LCLAT1: variants seen among roughly 807,000 people sequenced by gnomAD.
LCLAT1 encodes the protein lysocardiolipin acyltransferase 1.
LCLAT1 carries 11 observed loss-of-function variants against 30.7 expected under a neutral mutation model. That is an observed-to-expected ratio of 0.36 (90% confidence interval 0.23 to 0.59). LCLAT1 has a LOEUF of 0.59. Among genes scored for constraint, LCLAT1 ranks in the 20% least tolerant of loss-of-function variants. LCLAT1 has a pLI of 0.77. For synonymous variants in LCLAT1, 155 were observed against 151.3 expected (o/e 1.02, Z -0.18); for missense variants, 402 against 458.6 (o/e 0.88, Z 1.13).
chr2:30,495,394 C>G (rs829649), intron 1 of LCLAT1, among the ~76,000 whole-genome samples: 2 of 151,966 alleles, frequency 1.3e-5, no homozygotes, highest in East Asian at 3.9e-4. Context: ...ATTTCTAATA[C>G]TCTCCTTAGT....
chr2:30,618,970 ATG>A (rs141889482), intron 5 of LCLAT1, among the ~76,000 whole-genome samples: 7,035 of 152,188 alleles, frequency 0.046, 540 homozygotes, highest in African/African-American at 0.16. Context: ...AAGTGCTATC[ATG>A]TAGATGGTAA....
At position 30,599,886 on chromosome 2, in the gene LCLAT1, G is replaced by A. The variant is rs547210707; in HGVS notation, c.628+31710G>A. Reference sequence around the variant, plus strand: ...GTCTTTTTATCTAGCTTGCCATTTTGTGTCTTTTAATTGGGGCATTTAACC... The same window carrying A: ...GTCTTTTTATCTAGCTTGCCATTTTATGTCTTTTAATTGGGGCATTTAACC... On this transcript the variant is annotated intron_variant, in intron 5 of 5. Coordinates refer to ENST00000379509, the MANE Select transcript of LCLAT1 (RefSeq NM_001002257.3). 2.7e-4 allele frequency among the ~76,000 whole-genome samples: 41 copies of A among 152,066 alleles called. 1 individual carries two copies. The highest frequency in any genetic ancestry group is 9.4e-4 in the African/African-American group (39 of 41,482).
intron 3 of LCLAT1, among the ~76,000 whole-genome samples, chr2:30,534,716 G>A (rs1686157647): frequency 6.6e-6 from 1 of 152,168 alleles, no homozygotes; most frequent in Admixed American, 6.5e-5. Context: ...GCAAGAAGCT[G>A]CAAGGTATTT....
chr2:30,590,255 A>G (rs1212500582), intron 5 of LCLAT1, among the ~76,000 whole-genome samples: 2 of 151,986 alleles, frequency 1.3e-5, no homozygotes, highest in Non-Finnish European at 2.9e-5. Context: ...TCACTTAAAA[A>G]TAATTTTTGC....
chr2:30,603,763 C>A (rs1313024056), intron 5 of LCLAT1, among the ~76,000 whole-genome samples: 1 of 152,056 alleles, frequency 6.6e-6, no homozygotes, highest in Non-Finnish European at 1.5e-5. Flanking sequence ...TAGTCCTGAT[C>A]AGAGTAGGGA....
At chr2:30,608,166 C>CAAAT (rs1340551667) in intron 5 of LCLAT1, among the ~76,000 whole-genome samples, 93 of 151,746 alleles carry the variant, frequency 6.1e-4, no homozygotes, top group African/African-American at 2.1e-3. Flanking sequence ...TCTAAAAATA[C>CAAAT]AAATATTAGC....
At position 30,533,279 on chromosome 2, in the gene LCLAT1, G is replaced by T; in HGVS notation, c.329G>T (p.Cys110Phe). The T allele has an allele frequency of 6.2e-7, 1 of 1,614,080 alleles. No individual in the cohort carries two copies. Among genetic ancestry groups the T allele is most frequent in the Non-Finnish European group, 8.5e-7 (1 of 1,179,952 alleles). The change falls in exon 3 of 6, where the codon TGC (cysteine) becomes TTC (phenylalanine). Residue 110 changes from cysteine (C) to phenylalanine (F), a missense_variant. Physicochemically the swap from Cys to Phe is radical, Grantham distance 205. Coordinates refer to ENST00000379509, the MANE Select transcript of LCLAT1 (RefSeq NM_001002257.3). ...AGCTACCTCAGATTGGAGAAAATTT[G>T]CCTCAAAGCGAGTCTCAAAGGTGTT... ...RYSYLRLEKI[C>F]LKASLKGVPG... is the part of the protein sequence containing the mutation.
In LCLAT1 at chr2:30,622,156, T is replaced by A. The variant is rs1001483328; in HGVS notation, c.629-17961T>A. ...GGCCTGTCACTGTTCCCTGGCGACCTGTGTGACACAGCAGAGGCAGCCATA... is the reference window on the plus strand; with the variant it reads ...GGCCTGTCACTGTTCCCTGGCGACCAGTGTGACACAGCAGAGGCAGCCATA... On this transcript the variant is annotated intron_variant, in intron 5 of 5. Transcript: ENST00000379509. 8.5e-5 allele frequency among the ~76,000 whole-genome samples: 13 copies of A among 152,156 alleles called. No homozygotes were observed. In the East Asian group the frequency reaches 1.6e-3, roughly 18 times the overall value.
intron 1 of LCLAT1, among the ~76,000 whole-genome samples, chr2:30,481,809 C>T (rs1482493499): frequency 1.3e-5 from 2 of 152,196 alleles, no homozygotes; most frequent in African/African-American, 4.8e-5. Flanking sequence ...TAGATGTATA[C>T]TTTGCTACCC....
intron 1 of LCLAT1, chr2:30,459,638 T>C (rs767579389): frequency 6.2e-7 from 1 of 1,613,936 alleles, no homozygotes; most frequent in Admixed American, 1.7e-5. Context: ...AGGGAAATTG[T>C]GGTGCTTCTG....
chr2:30,472,917 A>T (rs1682868257), intron 1 of LCLAT1, among the ~76,000 whole-genome samples: 1 of 152,170 alleles, frequency 6.6e-6, no homozygotes, highest in African/African-American at 2.4e-5. Flanking sequence ...AGTGATGAGG[A>T]AGAAAAAAGA....
intron 5 of LCLAT1, among the ~76,000 whole-genome samples, chr2:30,610,824 G>GATATATATTCTGAATT (rs1362034626): frequency 6.6e-6 from 1 of 151,940 alleles, no homozygotes; most frequent in East Asian, 1.9e-4. Flanking sequence ...GTAAATCATA[G>GATATATATTCTGAATT]ATATATATTC....
At position 30,510,062 on chromosome 2, in the gene LCLAT1, A is replaced by G. The variant is rs75009795; in HGVS notation, c.-4-15525A>G. 2.1e-3 allele frequency among the ~76,000 whole-genome samples: 319 copies of G among 152,270 alleles called. 1 individual carries two copies. Among genetic ancestry groups the G allele is most frequent in the East Asian group, 0.014 (73 of 5,178 alleles). ...AGTAGCAAGGATTTTGGTGATAACA[A>G]CTTTCAGAGAGTCTTCCTTTTGTGC... On this transcript the variant is annotated intron_variant, in intron 1 of 5. Transcript: ENST00000379509.
At chr2:30,568,433 G>A (rs557773148) in intron 5 of LCLAT1, among the ~76,000 whole-genome samples, 2 of 146,516 alleles carry the variant, frequency 1.4e-5, no homozygotes, top group South Asian at 4.5e-4. Flanking sequence ...ATATATATAT[G>A]TTTGTATATA....
intron 3 of LCLAT1, among the ~76,000 whole-genome samples, chr2:30,538,760 G>A (rs1663946316): frequency 1.3e-5 from 2 of 152,082 alleles, no homozygotes; most frequent in African/African-American, 4.8e-5. Flanking sequence ...ATTACTATAT[G>A]CCAGCCAATT....
intron 3 of LCLAT1, among the ~76,000 whole-genome samples, chr2:30,550,688 C>T (rs1359279303): frequency 1.3e-5 from 2 of 152,118 alleles, no homozygotes; most frequent in Non-Finnish European, 2.9e-5. Context: ...GGTTTCTTTA[C>T]TGCAAAGATG....
intron 5 of LCLAT1, among the ~76,000 whole-genome samples, chr2:30,603,012 C>G (rs755866373): frequency 7.2e-5 from 11 of 152,080 alleles, no homozygotes; most frequent in African/African-American, 2.4e-4. Context: ...GCTGTGTGAC[C>G]TAGGGTGGTA....
intron 5 of LCLAT1, among the ~76,000 whole-genome samples, chr2:30,617,222 A>C (rs1668035769): frequency 1.3e-5 from 2 of 152,156 alleles, no homozygotes. Context: ...CCTGGAACCC[A>C]CTGATGTGCT....
chr2:30,554,844 G>T (rs1664842680), intron 3 of LCLAT1, among the ~76,000 whole-genome samples: 1 of 152,070 alleles, frequency 6.6e-6, no homozygotes, highest in African/African-American at 2.4e-5. Context: ...TTGTCAAATG[G>T]CAAAAGAAAT....
Sources: gnomAD v4.1 joint callset for allele counts (sites outside exome capture counted in the v4.1 genomes callset) on GRCh38, gnomAD v4.1.1 for gene constraint, MANE v1.5 for transcripts, NCBI Gene and HGNC (gene_info 2026-07-23, HGNC 2026-07-21) for gene names.